CRB1: variants seen among roughly 807,000 people sequenced by gnomAD.
CRB1 encodes protein crumbs homolog 1.
In CRB1, 83 loss-of-function variants were observed where a neutral mutation model predicts 120.0. The observed-to-expected ratio is 0.69, with a 90% CI of 0.58 to 0.83. CRB1 has a LOEUF of 0.83. CRB1 is among the 40% of genes least tolerant of loss of function. CRB1 has a pLI of 0.00. For missense variants in CRB1, 1,699 were observed against 1,687.6 expected (o/e 1.01, Z -0.12); for synonymous variants, 625 against 612.5 (o/e 1.02, Z -0.30).
At chr1:197,315,363 C>A (rs1317762717) in intron 1 of CRB1, among the ~76,000 whole-genome samples, 13 of 152,290 alleles carry the variant, frequency 8.5e-5, no homozygotes. Flanking sequence ...CTCATCATAA[C>A]AAATTTCGGA....
chr1:197,421,391 T>C lies in CRB1; in HGVS notation c.1563T>C (p.Ala521=). The C allele has an allele frequency of 6.2e-7, 1 of 1,614,224 alleles. No individual in the cohort carries two copies. ...GGTTTCAGACTGTTCAGCCAATGGC[T>C]CTTCTACTTTTCCGAAGCAACAGGG... ...ALRFQTVQPM[A]LLLFRSNRDV... is the part of the protein sequence containing the mutation. The change falls in exon 6 of 12, where the codon GCT becomes GCC. Residue 521 remains alanine, a synonymous_variant. Transcript: ENST00000367400.
At chr1:197,344,889 A>G (rs1318616874) in intron 3 of CRB1, among the ~76,000 whole-genome samples, 1 of 152,350 alleles carries the variant, frequency 6.6e-6, no homozygotes, top group East Asian at 1.9e-4. Context: ...CATGTTGGAA[A>G]AGGCAGTGAT....
In CRB1 at chr1:197,428,031, T is replaced by C. The variant is rs542190898; in HGVS notation, c.2676+30T>C. The C allele has an allele frequency of 2.5e-6, 4 of 1,581,496 alleles. No individual in the cohort carries two copies. The East Asian group carries it at 6.7e-5, about 27-fold the overall frequency. ...TGATTACTCATACAAACTAGGTATA[T>C]ACTGTATGCTAAACTTTTACTTTAT... On this transcript the variant is annotated intron_variant, in intron 7 of 11. Coordinates refer to ENST00000367400, the MANE Select transcript of CRB1 (RefSeq NM_201253.3).
rs1655043258 is a variant in CRB1, at chr1:197,273,875, AGGAGC to A, written c.70+5394_70+5398del. Among the ~76,000 whole-genome samples, 43 of 152,100 alleles carry A rather than the reference AGGAGC, an allele frequency of 2.8e-4. No homozygotes were observed. In the South Asian group the frequency reaches 8.9e-3, roughly 32 times the overall value. On this transcript the variant is annotated intron_variant, in intron 1 of 11. Coordinates refer to ENST00000367400, the MANE Select transcript of CRB1 (RefSeq NM_201253.3). ...CCTAGCATAAATCACCATTTCTCCAAGGAGCTCTGTTTCCTTTTATTAGAGAATGG... is the reference window on the plus strand; with the variant it reads ...CCTAGCATAAATCACCATTTCTCCAATCTGTTTCCTTTTATTAGAGAATGG...
At chr1:197,206,239 G>A in the CRB1 span, among the ~76,000 whole-genome samples, 1 of 150,040 alleles carries the variant, frequency 6.7e-6, no homozygotes, top group African/African-American at 2.4e-5. Flanking sequence ...GTATTTTTTT[G>A]TTTCAATATC....
At chr1:197,337,785 T>G (rs1438167385) in intron 2 of CRB1, among the ~76,000 whole-genome samples, 1 of 152,128 alleles carries the variant, frequency 6.6e-6, no homozygotes, top group Non-Finnish European at 1.5e-5. Flanking sequence ...GGTCAAAATC[T>G]CTCTGCCACA....
chr1:197,450,093 A>C (rs1665887207), intron 11 of CRB1, among the ~76,000 whole-genome samples: 1 of 152,176 alleles, frequency 6.6e-6, no homozygotes, highest in African/African-American at 2.4e-5. Flanking sequence ...AGGTCGATGC[A>C]TACTTTTGGT....
At chr1:197,240,165 T>G in the CRB1 span, among the ~76,000 whole-genome samples, 1 of 152,094 alleles carries the variant, frequency 6.6e-6, no homozygotes, top group South Asian at 2.1e-4. Context: ...TACCATGTCT[T>G]TCTTTATTTG....
At chr1:197,424,662 C>T (rs578101378) in intron 6 of CRB1, among the ~76,000 whole-genome samples, 2 of 152,298 alleles carry the variant, frequency 1.3e-5, no homozygotes, top group East Asian at 1.9e-4. Context: ...GGCAGCCACA[C>T]TTCGTGATTG....
intron 5 of CRB1, among the ~76,000 whole-genome samples, chr1:197,412,769 A>C (rs904967055): frequency 2.0e-5 from 3 of 152,240 alleles, no homozygotes; most frequent in African/African-American, 7.2e-5. Context: ...CTGCACTCAC[A>C]TAGTGGCAGT....
At chr1:197,349,396 G>A (rs1571881473) in intron 4 of CRB1, among the ~76,000 whole-genome samples, 1 of 152,182 alleles carries the variant, frequency 6.6e-6, no homozygotes, top group South Asian at 2.1e-4. Context: ...ATTCTCATTA[G>A]GATTTTTTGA....
intron 11 of CRB1, among the ~76,000 whole-genome samples, chr1:197,468,268 C>T (rs192471006): frequency 2.0e-5 from 3 of 152,088 alleles, no homozygotes; most frequent in Admixed American, 2.0e-4. Flanking sequence ...TAACACCACC[C>T]ATATGGAACT....
chr1:197,284,314 T>C (rs1655700730), intron 1 of CRB1, among the ~76,000 whole-genome samples: 1 of 151,962 alleles, frequency 6.6e-6, no homozygotes, highest in African/African-American at 2.4e-5. Context: ...CCAGTCATTC[T>C]GCACCCTGGG....
At chr1:197,224,935 A>G in the CRB1 span, among the ~76,000 whole-genome samples, 1 of 152,188 alleles carries the variant, frequency 6.6e-6, no homozygotes, top group Non-Finnish European at 1.5e-5. Context: ...TATGAAGGCT[A>G]TTAGATAATA....
intron 1 of CRB1, among the ~76,000 whole-genome samples, chr1:197,291,274 T>A (rs1173962662): frequency 6.6e-6 from 1 of 151,874 alleles, no homozygotes; most frequent in East Asian, 1.9e-4. Flanking sequence ...GACATGTGTC[T>A]TTTATCCCAT....
chr1:197,300,994 G>A (rs1299114897), intron 1 of CRB1, among the ~76,000 whole-genome samples: 1 of 150,772 alleles, frequency 6.6e-6, no homozygotes, highest in Admixed American at 6.7e-5. Context: ...ACTGAATATT[G>A]TAAGCCCACT....
In CRB1 at chr1:197,434,803, CAG is replaced by C. The variant is rs1290879180; in HGVS notation, c.2942_2943del (p.Arg981AsnfsTer16). ...RELTNITFGF[R>X]TRDANVIILH... ...AACTCACCAATATCACATTTGGTTT[CAG>C]AACAAGGGATGCAAATGTAATAATA... On this transcript the variant is annotated frameshift_variant, in exon 9 of 12. Transcript: ENST00000367400. LOFTEE classifies it high-confidence loss of function. The C allele has an allele frequency of 6.2e-7, 1 of 1,613,596 alleles. No homozygotes were observed. Among genetic ancestry groups the C allele is most frequent in the Non-Finnish European group, 8.5e-7 (1 of 1,179,722 alleles).
At chr1:197,299,690 A>C (rs943584678) in intron 1 of CRB1, among the ~76,000 whole-genome samples, 3 of 152,220 alleles carry the variant, frequency 2.0e-5, no homozygotes, top group Non-Finnish European at 2.9e-5. Context: ...TGAATGAACT[A>C]CTGTTATGTG....
At chr1:197,367,626 A>T (rs763430623) in intron 5 of CRB1, among the ~76,000 whole-genome samples, 15 of 152,152 alleles carry the variant, frequency 9.9e-5, no homozygotes, top group Non-Finnish European at 1.9e-4. Flanking sequence ...ATCAAACTAT[A>T]CTCATGATAA....
Sources: allele counts gnomAD v4.1 joint callset (sites outside exome capture counted in the v4.1 genomes callset), GRCh38; gene constraint gnomAD v4.1.1; transcripts MANE v1.5; gene names NCBI Gene and HGNC (gene_info 2026-07-23, HGNC 2026-07-21).